The following EGF variants were observed in gnomAD, a reference collection of about 807,000 sequenced individuals.
EGF encodes epidermal growth factor, also known as pro-epidermal growth factor.
Under a neutral mutation model 143.8 loss-of-function variants are expected in EGF, and 95 were observed. The ratio of observed to expected loss-of-function variants is 0.66; its 90% CI spans 0.56 to 0.78. EGF has a LOEUF of 0.78. Among genes scored for constraint, EGF ranks in the 30% least tolerant of loss-of-function variants. The pLI, the probability that EGF is intolerant of heterozygous loss-of-function variation, is 0.00. For missense variants in EGF, 1,320 were observed against 1,470.9 expected, an observed-to-expected ratio of 0.90 and a Z score of 1.68; for synonymous variants, 510 against 510.5, an observed-to-expected ratio of 1.00 and a Z score of 0.01.
intron 21 of EGF, chr4:110,001,752 C>A: frequency 1.0e-6 from 1 of 985,412 alleles, no homozygotes; most frequent in Non-Finnish European, 1.2e-6. Context: ...ATAAGAGTAT[C>A]TTCAACCTCA....
In EGF at chr4:109,998,280, G is replaced by A. The variant is rs369121717; in HGVS notation, c.3006-1399G>A. 5.3e-5 allele frequency among the ~76,000 whole-genome samples: 8 copies of A among 152,340 alleles called. No individual in the cohort carries two copies. The East Asian group carries it at 1.4e-3, about 26-fold the overall frequency. On this transcript the variant is annotated intron_variant, in intron 20 of 23. Coordinates refer to ENST00000265171, the MANE Select transcript of EGF (RefSeq NM_001963.6). ...TAGAATTAAAACAGCATCCAAGAAA[G>A]CCTGCAAGAATGATGGTCCTTTATG...
chr4:109,913,848 G>GA (rs1401406649), intron 1 of EGF, among the ~76,000 whole-genome samples: 1 of 151,922 alleles, frequency 6.6e-6, no homozygotes, highest in South Asian at 2.1e-4. Context: ...AAGCCACAAA[G>GA]AAAAAAATCC....
At chr4:109,994,976 C>T (rs1025630172) in intron 20 of EGF, 96 bp downstream of exon 20, 6 of 1,506,372 alleles carry the variant, frequency 4.0e-6, no homozygotes, top group Non-Finnish European at 5.5e-6. Flanking sequence ...TGTTTTTCTG[C>T]AATTAGGTGT....
chr4:109,971,578 C>A (rs566484469), intron 11 of EGF, among the ~76,000 whole-genome samples: 375 of 152,314 alleles, frequency 2.5e-3, no homozygotes, highest in Non-Finnish European at 3.9e-3. Context: ...GATAGACAGG[C>A]ACCACTGTTT....
chr4:109,999,844 C>T lies in EGF; in HGVS notation c.3171C>T (p.Tyr1057=), dbSNP rs756991473. The change falls in exon 21 of 24, where the codon TAC becomes TAT. Residue 1057 remains tyrosine, a splice_region_variant and synonymous_variant. Transcript: ENST00000265171. ...LLLSLWGAHY[Y]RTQKLLSKNP... ...TGAGCCTGTGGGGGGCCCACTACTA[C>T]AGGTGACCCTGTCTTTCCTTTGGTA... 4.3e-6 allele frequency: 7 copies of T among 1,613,282 alleles called. No homozygotes were observed. The Admixed American group carries it at 1.2e-4, about 27-fold the overall frequency.
intron 11 of EGF, among the ~76,000 whole-genome samples, chr4:109,971,818 G>A (rs1041500313): frequency 2.6e-5 from 4 of 152,130 alleles, no homozygotes; most frequent in Middle Eastern, 3.4e-3. Context: ...CAATCAAAAG[G>A]GGCAAAGTGG....
chr4:109,941,001 A>C lies in EGF; in HGVS notation c.183A>C (p.Thr61=), dbSNP rs1346259607. The C allele has an allele frequency of 1.2e-6, 2 of 1,613,964 alleles. No homozygotes were observed. The highest frequency in any genetic ancestry group is 2.7e-5 in the African/African-American group (2 of 74,918). The part of the protein sequence containing the change: ...SHGNSIFRID[T]EGTNYEQLVV... Reference sequence around the variant, plus strand: ...GAAATAGTATCTTTAGGATTGACACAGAAGGAACCAATTATGAGCAATTGG... The same window carrying C: ...GAAATAGTATCTTTAGGATTGACACCGAAGGAACCAATTATGAGCAATTGG... Residue 61 remains threonine (T), a synonymous_variant, in exon 2 of 24, where the codon ACA becomes ACC. Transcript: ENST00000265171.
At chr4:109,944,994 A>G in intron 4 of EGF, 79 bp from the exon 5 acceptor site, 1 of 1,458,850 alleles carries the variant, frequency 6.9e-7, no homozygotes, top group Non-Finnish European at 9.5e-7. Context: ...TTAGACAATA[A>G]ATTGAAATGA....
At chr4:109,995,446 T>G (rs762191891) in intron 20 of EGF, among the ~76,000 whole-genome samples, 12 of 152,208 alleles carry the variant, frequency 7.9e-5, no homozygotes, top group Non-Finnish European at 1.6e-4. Context: ...TTTTGCTCCC[T>G]TTTTGCCCCC....
Position 109,960,894 on chromosome 4 carries a change from A to C in EGF, c.1094A>C (p.His365Pro), listed in dbSNP as rs760672241. 2 of 1,613,866 alleles carry C rather than the reference A, an allele frequency of 1.2e-6. No individual in the cohort carries two copies. Among genetic ancestry groups the C allele is most frequent in the Non-Finnish European group, 1.7e-6 (2 of 1,179,906 alleles). Residue 365 changes from histidine to proline, a missense_variant, in exon 7 of 24, where the codon CAT becomes CCT. Physicochemically the swap from His to Pro is moderately conservative, Grantham distance 77. Coordinates refer to ENST00000265171, the MANE Select transcript of EGF (RefSeq NM_001963.6). ...GTTAATGAATGTGCTTTTTGGAATC[A>C]TGGCTGTACTCTTGGGTGTAAAAAC... Reference protein sequence around the residue: ...EDVNECAFWNHGCTLGCKNTP... With the variant: ...EDVNECAFWNPGCTLGCKNTP...
In EGF at chr4:110,008,241, A is replaced by T. The variant is rs1753572390; in HGVS notation, c.3370+11A>T. 3 of 1,613,744 alleles carry T rather than the reference A, an allele frequency of 1.9e-6. No individual in the cohort carries two copies. Among genetic ancestry groups the T allele is most frequent in the African/African-American group, 1.3e-5 (1 of 74,886 alleles). The stretch of plus-strand genomic sequence containing the variant: ...GCCAGGCAGCAGATGGTCAGTTTTT[A>T]TCCCTGGCTCCTGGTGAATGGTTAT... On this transcript the variant is annotated intron_variant, in intron 23 of 23. Transcript: ENST00000265171.
intron 5 of EGF, among the ~76,000 whole-genome samples, chr4:109,951,379 A>C (rs1420359047): frequency 6.6e-6 from 1 of 151,944 alleles, no homozygotes; most frequent in Non-Finnish European, 1.5e-5. Context: ...CCCACAAAAA[A>C]ACCAAGTGAA....
intron 1 of EGF, among the ~76,000 whole-genome samples, chr4:109,923,226 C>T (rs889643338): frequency 6.6e-6 from 1 of 150,942 alleles, no homozygotes; most frequent in Non-Finnish European, 1.5e-5. Flanking sequence ...TAGGTAAGGC[C>T]CAGAACTTAA....
Position 109,969,134 on chromosome 4 carries a change from T to C in EGF, c.1724+15T>C, listed in dbSNP as rs759026349. The C allele has an allele frequency of 6.2e-7, 1 of 1,614,100 alleles. No homozygotes were observed. The highest frequency in any genetic ancestry group is 2.2e-5 in the East Asian group (1 of 44,882). ...ACAGACAGAGGGTATGTTTTCTGCT[T>C]CAGTTTTAAGCTGTGTGAGATGGGA... On this transcript the variant is annotated intron_variant, in intron 11 of 23. Transcript: ENST00000265171.
At position 110,011,360 on chromosome 4, in the gene EGF, G is replaced by C. The variant is rs1416351877; in HGVS notation, c.3529G>C (p.Gly1177Arg). ...CTCCTATGGGACACAGACCCTTGAA[G>C]GGGGTGTCGAGAAGCCCCATTCTCT... Reference protein sequence around the residue: ...MPSYGTQTLEGGVEKPHSLLS... With the variant: ...MPSYGTQTLERGVEKPHSLLS... The change falls in exon 24 of 24, where the codon GGG becomes CGG. Residue 1177 changes from glycine to arginine, a missense_variant. Physicochemically the swap from Gly to Arg is moderately radical, Grantham distance 125. This residue lies in a region of EGF where 1,186 missense variants were observed against 1,313.7 expected (regional missense o/e 0.90). Transcript: ENST00000265171. 6.2e-7 allele frequency: 1 copy of C among 1,614,152 alleles called. No individual in the cohort carries two copies. Among genetic ancestry groups the C allele is most frequent in the South Asian group, 1.1e-5 (1 of 91,080 alleles).
chr4:109,943,188 C>A, intron 2 of EGF, 66 bp from the exon 3 acceptor site: 1 of 1,128,550 alleles, frequency 8.9e-7, no homozygotes, highest in Non-Finnish European at 1.3e-6. Flanking sequence ...TTATATATAA[C>A]AATTAAAATA....
At chr4:109,960,753 A>C in intron 6 of EGF, 114 bp from the exon 7 acceptor site, 3 of 1,202,934 alleles carry the variant, frequency 2.5e-6, no homozygotes, top group Non-Finnish European at 3.6e-6. Context: ...TTCCATGATC[A>C]ATTACAGCAT....
chr4:109,999,430 G>A (rs1288081830), intron 20 of EGF, among the ~76,000 whole-genome samples: 3 of 152,126 alleles, frequency 2.0e-5, no homozygotes, highest in African/African-American at 7.2e-5. Flanking sequence ...GTCCTGTAAT[G>A]CCTTATAGAG....
At chr4:109,964,741 G>A (rs1396991884) in intron 10 of EGF, among the ~76,000 whole-genome samples, 1 of 152,144 alleles carries the variant, frequency 6.6e-6, no homozygotes, top group African/African-American at 2.4e-5. Context: ...CCTAGTCCTT[G>A]CTACGATTAG....
Sources: allele counts gnomAD v4.1 joint callset (sites outside exome capture counted in the v4.1 genomes callset), GRCh38; gene constraint gnomAD v4.1.1; regional missense constraint gnomAD v4.1.1; transcripts MANE v1.5; gene names NCBI Gene and HGNC (gene_info 2026-07-23, HGNC 2026-07-21).